The following HTR2A variants were observed in gnomAD, a reference collection of about 807,000 sequenced individuals.
HTR2A encodes the protein 5-HT2 receptor.
In HTR2A, 14 loss-of-function variants were observed where a neutral mutation model predicts 31.0. The ratio of observed to expected loss-of-function variants is 0.45; its 90% CI spans 0.30 to 0.71. The LOEUF is 0.71. HTR2A is among the 30% of genes least tolerant of loss of function. HTR2A has a pLI of 0.09. For missense variants in HTR2A, 442 were observed against 573.3 expected (o/e 0.77, Z 2.34); for synonymous variants, 209 against 225.2 (o/e 0.93, Z 0.64).
chr13:46,863,657 A>AAAAAAAAAAAAAAAAAAAAAAG (rs1566309853), intron 3 of HTR2A, among the ~76,000 whole-genome samples: 1 of 118,256 alleles, frequency 8.5e-6, no homozygotes, highest in African/African-American at 3.0e-5. Context: ...AAAGAAAAAA[A>AAAAAAAAAAAAAAAAAAAAAAG]AAAAAGACAG....
rs915522455 is a variant in HTR2A at position 46,832,977 on chromosome 13, A to G, written c.*1860T>C. On this transcript the variant is annotated 3_prime_UTR_variant, in exon 4 of 4. Transcript: ENST00000542664. ...CTGTTGTTAATCTCTTTTTCTCTTT[A>G]GTAACCATTTCAATGAAATATTATA... The G allele has an allele frequency of 6.6e-6, 1 of 152,194 alleles. No homozygotes were observed. Among genetic ancestry groups the G allele is most frequent in the Non-Finnish European group, 1.5e-5 (1 of 68,030 alleles). 9.4% of individuals were successfully genotyped at this position (152,194 alleles called of 1,614,324 possible). A position where few individuals can be genotyped will look rare whatever the true frequency, so the allele number is the denominator to read the frequency against.
chr13:46,846,882 C>G (rs577166431), intron 3 of HTR2A, among the ~76,000 whole-genome samples: 1 of 152,206 alleles, frequency 6.6e-6, no homozygotes, highest in East Asian at 1.9e-4. Flanking sequence ...ACAGAAGGAC[C>G]TGCCACAGTG....
chr13:46,854,542 T>C (rs1437455273), intron 3 of HTR2A, among the ~76,000 whole-genome samples: 1 of 152,214 alleles, frequency 6.6e-6, no homozygotes, highest in South Asian at 2.1e-4. Flanking sequence ...CTGCTGGAAC[T>C]AATTTTTATA....
In HTR2A at chr13:46,861,208, A is replaced by C. The variant is rs138835683; in HGVS notation, c.614-25569T>G. On this transcript the variant is annotated intron_variant, in intron 3 of 3. Transcript: ENST00000542664. ...TGAGGAGAAAAGCTCAGAGGCAAGA[A>C]AAGGAGAAGAAATAAGACAATTCTA... is the stretch of plus-strand genomic sequence containing the variant. Among the ~76,000 whole-genome samples, 509 of 152,354 alleles carry C rather than the reference A, an allele frequency of 3.3e-3. 1 individual carries two copies. The highest frequency in any genetic ancestry group is 0.012 in the African/African-American group (494 of 41,576).
Position 46,896,687 on chromosome 13 carries a change from G to T in HTR2A, c.-342C>A, listed in dbSNP as rs1421149203. The T allele has an allele frequency of 2.0e-6, 3 of 1,532,174 alleles. No homozygotes were observed. In the Admixed American group the frequency reaches 6.0e-5, roughly 31 times the overall value. The allele number at this position is 1,532,174 out of a possible 1,614,324, so 94.9% of individuals were successfully genotyped here. ...ATGAGAACTTACATTTGTCTTCAGG[G>T]TCCACACATGAGATACATTTGTTAT... On this transcript the variant is annotated 5_prime_UTR_variant, in exon 1 of 4. Coordinates refer to ENST00000542664, the MANE Select transcript of HTR2A (RefSeq NM_000621.5).
At chr13:46,879,097 G>T (rs923078605) in intron 3 of HTR2A, among the ~76,000 whole-genome samples, 3 of 152,168 alleles carry the variant, frequency 2.0e-5, no homozygotes, top group African/African-American at 7.2e-5. Flanking sequence ...CACATGGATG[G>T]GAATTAAGGG....
rs575178660 is a variant in HTR2A at position 46,879,712 on chromosome 13, G to GA, written c.613+12677dup. Among the ~76,000 whole-genome samples the GA allele has an allele frequency of 1.9e-3, 294 of 152,252 alleles. 1 individual carries two copies. Among genetic ancestry groups the GA allele is most frequent in the Non-Finnish European group, 3.1e-3 (208 of 67,998 alleles). On this transcript the variant is annotated intron_variant, in intron 3 of 3. Transcript: ENST00000542664. ...AAAAAGGACCTAAACAGAAAAATCTGAAAAAATCCACTACCTGGCACAGTG... is the reference window on the plus strand; with the variant it reads ...AAAAAGGACCTAAACAGAAAAATCTGAAAAAAATCCACTACCTGGCACAGTG...
intron 3 of HTR2A, among the ~76,000 whole-genome samples, chr13:46,845,623 C>A: frequency 7.5e-6 from 1 of 133,210 alleles, no homozygotes; most frequent in African/African-American, 3.0e-5. Flanking sequence ...CCTTCACTAC[C>A]ATTCATTAAT....
At chr13:46,877,894 G>T (rs1950927867) in intron 3 of HTR2A, among the ~76,000 whole-genome samples, 1 of 151,908 alleles carries the variant, frequency 6.6e-6, no homozygotes. Context: ...TCAAGCAGAA[G>T]ATTAAAAAAT....
intron 3 of HTR2A, among the ~76,000 whole-genome samples, chr13:46,876,799 C>G (rs527924962): frequency 6.6e-6 from 1 of 152,150 alleles, no homozygotes; most frequent in Non-Finnish European, 1.5e-5. Flanking sequence ...TGAATCCTCA[C>G]TGTGTCCCCC....
At chr13:46,890,402 C>G (rs925802107) in intron 3 of HTR2A, among the ~76,000 whole-genome samples, 4 of 152,204 alleles carry the variant, frequency 2.6e-5, no homozygotes, top group Non-Finnish European at 2.9e-5. Context: ...CACAATCATT[C>G]CAGCCTGCCT....
At chr13:46,891,296 T>C (rs1054447812) in intron 3 of HTR2A, among the ~76,000 whole-genome samples, 4 of 152,258 alleles carry the variant, frequency 2.6e-5, no homozygotes, top group Non-Finnish European at 5.9e-5. Flanking sequence ...CCCATCAGAA[T>C]TCAATAAAAT....
Position 46,892,445 on chromosome 13 carries a change from G to A in HTR2A, c.558C>T (p.Phe186=). ...AIQNPIHHSR[F]NSRTKAFLKI... ...TCAGAAATGCCTTAGTTCTGGAGTTGAAGCGGCTGTGGTGGATGGGATTCT... is the reference window on the plus strand; with the variant it reads ...TCAGAAATGCCTTAGTTCTGGAGTTAAAGCGGCTGTGGTGGATGGGATTCT... The change falls in exon 3 of 4, where the codon TTC becomes TTT. Residue 186 remains phenylalanine (F), a synonymous_variant. Transcript: ENST00000542664. 2 of 1,614,244 alleles carry A rather than the reference G, an allele frequency of 1.2e-6. No homozygotes were observed. The highest frequency in any genetic ancestry group is 1.1e-5 in the South Asian group (1 of 91,084).
chr13:46,873,575 T>C (rs2770301), intron 3 of HTR2A, among the ~76,000 whole-genome samples: 35,069 of 151,592 alleles, frequency 0.23, 4,284 homozygotes, highest in Admixed American at 0.25. Context: ...TAGGTGTATC[T>C]CCTAATGCTA....
chr13:46,884,236 G>A (rs1950988711), intron 3 of HTR2A, among the ~76,000 whole-genome samples: 1 of 152,188 alleles, frequency 6.6e-6, no homozygotes, highest in Non-Finnish European at 1.5e-5. Flanking sequence ...GGTATGGAGG[G>A]CAATTTAAAA....
At chr13:46,871,481 T>C (rs894941585) in intron 3 of HTR2A, among the ~76,000 whole-genome samples, 1 of 152,188 alleles carries the variant, frequency 6.6e-6, no homozygotes, top group Admixed American at 6.5e-5. Flanking sequence ...ACTAATCAGT[T>C]TTCTACCCTA....
rs557086481 is a variant in HTR2A, at chr13:46,834,895, G to A, written c.1358C>T (p.Ser453Phe). The A allele has an allele frequency of 1.9e-6, 3 of 1,613,990 alleles. No individual in the cohort carries two copies. In the South Asian group the frequency reaches 3.3e-5, roughly 18 times the overall value. Reference sequence around the variant, plus strand: ...GCTATTGTCTTTAGAAGCCTCTTCAGAATGCTGCTTTCCTAGAGCAACCAT... The same window carrying A: ...GCTATTGTCTTTAGAAGCCTCTTCAAAATGCTGCTTTCCTAGAGCAACCAT... ...CSMVALGKQHSEEASKDNSDG... is the reference protein window; with the variant it reads ...CSMVALGKQHFEEASKDNSDG... The change falls in exon 4 of 4, where the codon TCT (serine) becomes TTT (phenylalanine). Residue 453 changes from serine to phenylalanine, a missense_variant. By Grantham distance (155) the Ser-to-Phe change is radical (BLOSUM62 -2). Transcript: ENST00000542664.
chr13:46,895,738 A>G lies in HTR2A; in HGVS notation c.169T>C (p.Cys57Arg). The G allele has an allele frequency of 6.2e-7, 1 of 1,614,198 alleles. No individual in the cohort carries two copies. Among genetic ancestry groups the G allele is most frequent in the Non-Finnish European group, 8.5e-7 (1 of 1,180,032 alleles). Residue 57 changes from cysteine (C) to arginine (R), a missense_variant, in exon 2 of 4, where the codon TGT becomes CGT. Cys to Arg is a radical substitution (Grantham distance 180, BLOSUM62 -3). Around this residue, in one of 5 missense-constraint regions of HTR2A, gnomAD observed 83 missense variants for 84.8 expected, o/e 0.98. Coordinates refer to ENST00000542664, the MANE Select transcript of HTR2A (RefSeq NM_000621.5). This position sits in a 1 kb window ranked among gnomAD's most constrained non-coding sequence, Gnocchi z 4.4. Reference protein sequence around the residue: ...VDSENRTNLSCEGCLSPSCLS... With the variant: ...VDSENRTNLSREGCLSPSCLS... ...CACGACGGTGAGAGGCACCCTTCAC[A>G]GGAAAGGTTGGTTCGATTTTCAGAG...
chr13:46,886,345 T>TAAATG (rs111339010), intron 3 of HTR2A, among the ~76,000 whole-genome samples: 149,899 of 152,200 alleles, frequency 0.98, 73,840 homozygotes, highest in East Asian at 1. Context: ...TGCAAGTCAG[T>TAAATG]AAATAGTTCA....
Sources: gnomAD v4.1 joint callset for allele counts (sites outside exome capture counted in the v4.1 genomes callset) on GRCh38, gnomAD v4.1.1 for gene constraint, gnomAD v4.1.1 regional missense constraint, Gnocchi (gnomAD v3.1) non-coding constraint, MANE v1.5 for transcripts, NCBI Gene and HGNC (gene_info 2026-07-23, HGNC 2026-07-21) for gene names.